The following C16orf74 variants were observed in gnomAD, a reference collection of about 807,000 sequenced individuals.
C16orf74 encodes the protein calcimembrin.
C16orf74 carries 10 observed loss-of-function variants against 6.5 expected under a neutral mutation model. The observed-to-expected ratio is 1.54, with a 90% CI of 0.95 to 2.61. The LOEUF (loss-of-function observed/expected upper bound fraction) is 2.61. C16orf74 is among the 30% of genes most tolerant of loss of function. The pLI is 0.00. For synonymous variants in C16orf74, 60 were observed against 42.5 expected, an observed-to-expected ratio of 1.41 and a Z score of -1.60; for missense variants, 141 against 105.9, an observed-to-expected ratio of 1.33 and a Z score of -1.45.
intron 1 of C16orf74, chr16:85,744,232 A>AG (rs2054344108): frequency 6.7e-6 from 1 of 150,148 alleles, no homozygotes; most frequent in Non-Finnish European, 1.5e-5. Flanking sequence ...TCTCAAAAAA[A>AG]AAAAAAAAAA....
chr16:85,707,553 G>C lies in C16orf74; in HGVS notation c.*455C>G, dbSNP rs1218270993. 1.3e-5 allele frequency: 2 copies of C among 154,788 alleles called. No individual in the cohort carries two copies. The highest frequency in any genetic ancestry group is 4.8e-5 in the African/African-American group (2 of 41,330). The allele number at this position is 154,788 out of a possible 1,614,324, so 9.6% of individuals were successfully genotyped here. Reference sequence around the variant, plus strand: ...GGATCTTTATTTATAATGCAAAAAAGAAATTATAAATCCCATTTTGGACTG... The same window carrying C: ...GGATCTTTATTTATAATGCAAAAAACAAATTATAAATCCCATTTTGGACTG... On this transcript the variant is annotated 3_prime_UTR_variant, in exon 4 of 4. Transcript: ENST00000284245.
intron 2 of C16orf74, among the ~76,000 whole-genome samples, chr16:85,721,876 G>C (rs1051118308): frequency 3.3e-5 from 5 of 151,494 alleles, no homozygotes; most frequent in Non-Finnish European, 7.4e-5. Context: ...TGTGTGGTCT[G>C]AACAAGTTTC....
chr16:85,743,631 A>T (rs1364000612), intron 1 of C16orf74: 3 of 152,192 alleles, frequency 2.0e-5, no homozygotes, highest in Admixed American at 6.5e-5. Context: ...GAAAATAAAG[A>T]TTTAAGGCCG....
At chr16:85,748,529 C>T (rs980722893) in intron 1 of C16orf74, among the ~76,000 whole-genome samples, 4 of 150,950 alleles carry the variant, frequency 2.6e-5, no homozygotes, top group Admixed American at 6.6e-5. Flanking sequence ...GCCTGGGAGG[C>T]GGAGGTTGCA....
At chr16:85,722,894 A>C (rs1351927687) in intron 2 of C16orf74, among the ~76,000 whole-genome samples, 1 of 152,202 alleles carries the variant, frequency 6.6e-6, no homozygotes, top group Non-Finnish European at 1.5e-5. Context: ...GAAATGATCT[A>C]AACAGCCCCT....
chr16:85,742,675 G>A (rs1406031104), intron 1 of C16orf74, among the ~76,000 whole-genome samples: 1 of 152,068 alleles, frequency 6.6e-6, no homozygotes, highest in Non-Finnish European at 1.5e-5. Context: ...CCGAGTAGCT[G>A]GGATTACAGG....
At chr16:85,733,228 G>A (rs1414560637) in intron 2 of C16orf74, among the ~76,000 whole-genome samples, 1 of 152,262 alleles carries the variant, frequency 6.6e-6, no homozygotes, top group Non-Finnish European at 1.5e-5. Context: ...CCGTGAAAAG[G>A]AACGAAGCAG....
At chr16:85,721,147 C>T (rs2054078841) in intron 2 of C16orf74, among the ~76,000 whole-genome samples, 1 of 152,090 alleles carries the variant, frequency 6.6e-6, no homozygotes, top group African/African-American at 2.4e-5. Flanking sequence ...CACTTCCCAG[C>T]AGTGTCCCCT....
chr16:85,735,147 C>A, intron 2 of C16orf74, 43 bp downstream of exon 2: 1 of 1,579,218 alleles, frequency 6.3e-7, no homozygotes, highest in East Asian at 2.3e-5. Context: ...CCCAGCACCC[C>A]CTCTGCCATG....
intron 1 of C16orf74, among the ~76,000 whole-genome samples, chr16:85,736,011 A>G (rs2054240633): frequency 6.6e-6 from 1 of 152,046 alleles, no homozygotes; most frequent in African/African-American, 2.4e-5. Flanking sequence ...GGGACTGTGG[A>G]GCTGAGACTC....
At chr16:85,724,376 G>T (rs1188839737) in intron 2 of C16orf74, among the ~76,000 whole-genome samples, 2 of 152,216 alleles carry the variant, frequency 1.3e-5, no homozygotes, top group Non-Finnish European at 2.9e-5. Context: ...GAACGAGGGG[G>T]AGGCTCTGTC....
intron 1 of C16orf74, 57 bp from the exon 2 acceptor site, chr16:85,735,292 A>G (rs2054232089): frequency 2.2e-6 from 3 of 1,348,140 alleles, no homozygotes; most frequent in Non-Finnish European, 3.0e-6. Flanking sequence ...TGTATTGGCC[A>G]CGTGCAGCCG....
chr16:85,729,660 A>G (rs574582097), intron 2 of C16orf74, among the ~76,000 whole-genome samples: 3 of 152,346 alleles, frequency 2.0e-5, no homozygotes, highest in Admixed American at 6.5e-5. Context: ...TGATGAGCTC[A>G]TCCTGGATTT....
intron 2 of C16orf74, among the ~76,000 whole-genome samples, chr16:85,717,284 C>T (rs756788228): frequency 1.3e-5 from 2 of 152,184 alleles, no homozygotes; most frequent in East Asian, 1.9e-4. Flanking sequence ...ATCGCGGCTG[C>T]CCATTGAGAT....
At chr16:85,738,609 G>C (rs1222579070) in intron 1 of C16orf74, among the ~76,000 whole-genome samples, 2 of 151,926 alleles carry the variant, frequency 1.3e-5, no homozygotes, top group African/African-American at 4.8e-5. Flanking sequence ...GGGATTTCAG[G>C]TGTGAGCCAC....
intron 1 of C16orf74, among the ~76,000 whole-genome samples, chr16:85,735,929 T>A (rs962124030): frequency 6.6e-6 from 1 of 152,044 alleles, no homozygotes; most frequent in East Asian, 1.9e-4. Flanking sequence ...ACTATTACTG[T>A]CCCCACTTCA....
At chr16:85,708,420 A>G (rs1478420683) in intron 3 of C16orf74, among the ~76,000 whole-genome samples, 1 of 152,160 alleles carries the variant, frequency 6.6e-6, no homozygotes, top group Non-Finnish European at 1.5e-5. Context: ...AGACTTTGAC[A>G]GCCGAGCTAA....
intron 2 of C16orf74, among the ~76,000 whole-genome samples, chr16:85,720,988 G>A (rs573973421): frequency 8.7e-4 from 133 of 152,256 alleles, no homozygotes; most frequent in Non-Finnish European, 3.8e-4. Flanking sequence ...CTACTTGGGA[G>A]GCTGAGGCAC....
intron 1 of C16orf74, among the ~76,000 whole-genome samples, chr16:85,736,075 T>C (rs2054241601): frequency 1.3e-5 from 2 of 151,866 alleles, no homozygotes; most frequent in African/African-American, 2.4e-5. Flanking sequence ...CAGGGGCCTG[T>C]AGTGTGCAGA....
Sources: allele counts gnomAD v4.1 joint callset (sites outside exome capture counted in the v4.1 genomes callset), GRCh38; gene constraint gnomAD v4.1.1; transcripts MANE v1.5; gene names NCBI Gene and HGNC (gene_info 2026-07-23, HGNC 2026-07-21).